TMCO1: variants seen among roughly 807,000 people sequenced by gnomAD.
The protein encoded by TMCO1 is calcium load-activated calcium channel.
In TMCO1, 29 loss-of-function variants were observed where a neutral mutation model predicts 29.3. The observed-to-expected ratio is 0.99, with a 90% confidence interval of 0.74 to 1.35. The LOEUF is 1.35. Ranked by LOEUF, TMCO1 falls within the 40% of genes most tolerant of loss-of-function variation. The pLI, the probability that TMCO1 is intolerant of heterozygous loss-of-function variation, is 0.00. For synonymous variants in TMCO1, 80 were observed against 77.1 expected, an observed-to-expected ratio of 1.04 and a Z score of -0.20; for missense variants, 173 against 225.5, an observed-to-expected ratio of 0.77 and a Z score of 1.49.
Position 165,727,046 on chromosome 1 carries a change from C to T in TMCO1, c.*977G>A, listed in dbSNP as rs942129560. The T allele has an allele frequency of 6.6e-6, 3 of 453,954 alleles. No homozygotes were observed. The highest frequency in any genetic ancestry group is 2.0e-5 in the African/African-American group (1 of 49,992). 28.1% of individuals were successfully genotyped at this position (453,954 alleles called of 1,614,324 possible). A position where few individuals can be genotyped will look rare whatever the true frequency, so the allele number is the denominator to read the frequency against. ...GTGCATATTTATTGATAAGACTCCA[C>T]ACAGGACTCCTAATTCCATAGATTA... On this transcript the variant is annotated 3_prime_UTR_variant, in exon 7 of 7. Transcript: ENST00000367881.
At position 165,727,060 on chromosome 1, in the gene TMCO1, T is replaced by C. The variant is rs1650923351; in HGVS notation, c.*963A>G. On this transcript the variant is annotated 3_prime_UTR_variant, in exon 7 of 7. Coordinates refer to ENST00000367881, the MANE Select transcript of TMCO1 (RefSeq NM_019026.6). ...ATAAGACTCCACACAGGACTCCTAA[T>C]TCCATAGATTATGCGGGGAGGATCA... is the stretch of plus-strand genomic sequence containing the variant. 2.2e-6 allele frequency: 1 copy of C among 454,100 alleles called. No homozygotes were observed. Among genetic ancestry groups the C allele is most frequent in the Admixed American group, 2.3e-5 (1 of 42,566 alleles). The allele number at this position is 454,100 out of a possible 1,614,324, so 28.1% of individuals were successfully genotyped here.
chr1:165,768,848 A>G lies in TMCO1; in HGVS notation c.-97T>C, dbSNP rs774480465. On this transcript the variant is annotated 5_prime_UTR_variant, in exon 1 of 7. Coordinates refer to ENST00000367881, the MANE Select transcript of TMCO1 (RefSeq NM_019026.6). The stretch of plus-strand genomic sequence containing the variant: ...AACGGCTTCCGTAGACTCCGCCACC[A>G]CCGAGTAACAGACCAACTCTGACAG... 7.0e-6 allele frequency: 11 copies of G among 1,580,766 alleles called. No individual in the cohort carries two copies. Among genetic ancestry groups the G allele is most frequent in the Admixed American group, 1.9e-5 (1 of 53,822 alleles).
chr1:165,767,185 G>T (rs895884957), intron 2 of TMCO1, among the ~76,000 whole-genome samples: 2 of 137,420 alleles, frequency 1.5e-5, no homozygotes, highest in Non-Finnish European at 3.2e-5. Flanking sequence ...GGTAATTTAA[G>T]AAAAAAAACT....
At chr1:165,737,682 A>C (rs1440021683) in intron 6 of TMCO1, among the ~76,000 whole-genome samples, 1 of 152,238 alleles carries the variant, frequency 6.6e-6, no homozygotes, top group Admixed American at 6.5e-5. Flanking sequence ...AAAACAGTGG[A>C]AAGGCATTTA....
At chr1:165,752,069 T>A (rs748295536) in intron 5 of TMCO1, 33 bp downstream of exon 5, 3 of 1,502,432 alleles carry the variant, frequency 2.0e-6, no homozygotes, top group Non-Finnish European at 2.8e-6. Context: ...AGAGTAATAG[T>A]TATTAGTCAA....
At chr1:165,746,240 C>T (rs1346139858) in intron 5 of TMCO1, among the ~76,000 whole-genome samples, 13 of 146,026 alleles carry the variant, frequency 8.9e-5, no homozygotes, top group East Asian at 6.0e-4. Context: ...ATGCAGGAGG[C>T]GGAGGTCGTA....
At chr1:165,726,622 C>G (rs1245227122), downstream of TMCO1, 1 of 455,626 alleles carries the variant, frequency 2.2e-6, no homozygotes, top group Non-Finnish European at 4.4e-6. Flanking sequence ...GTAGGGCTGT[C>G]TTGGGATAAT....
chr1:165,765,221 G>C (rs1652524962), intron 2 of TMCO1, among the ~76,000 whole-genome samples: 1 of 152,150 alleles, frequency 6.6e-6, no homozygotes, highest in South Asian at 2.1e-4. Flanking sequence ...AAAAGCAACA[G>C]AAAAAATAGA....
rs78099644 is a variant in TMCO1, at chr1:165,740,720, C to T, written c.468+2447G>A. Among the ~76,000 whole-genome samples, 525 of 152,324 alleles carry T rather than the reference C, an allele frequency of 3.4e-3. 5 individuals carry two copies. The highest frequency in any genetic ancestry group is 0.012 in the African/African-American group (496 of 41,562). Reference sequence around the variant, plus strand: ...GTGGTGGAAATGTAATCCCTCTGCCCTCATGAATAGATTAATGTCATTATC... The same window carrying T: ...GTGGTGGAAATGTAATCCCTCTGCCTTCATGAATAGATTAATGTCATTATC... On this transcript the variant is annotated intron_variant, in intron 6 of 6. Coordinates refer to ENST00000367881, the MANE Select transcript of TMCO1 (RefSeq NM_019026.6).
downstream of TMCO1, chr1:165,726,161 CA>C (rs1389485554): frequency 1.4e-6 from 1 of 694,194 alleles, no homozygotes; most frequent in Non-Finnish European, 2.6e-6. Flanking sequence ...TCATTTTCTT[CA>C]TTATCATTCG....
intron 4 of TMCO1, among the ~76,000 whole-genome samples, chr1:165,752,501 C>CG (rs1558038341): frequency 6.6e-6 from 1 of 151,658 alleles, no homozygotes; most frequent in Non-Finnish European, 1.5e-5. Flanking sequence ...GTGACCCCCC[C>CG]GCCTCGGCCT....
chr1:165,744,205 A>C (rs922844736), intron 5 of TMCO1, among the ~76,000 whole-genome samples: 1 of 152,196 alleles, frequency 6.6e-6, no homozygotes, highest in African/African-American at 2.4e-5. Flanking sequence ...AGAAGAAGGA[A>C]GGTGCAAAGA....
In TMCO1 at chr1:165,743,222, G is replaced by T. The variant is rs758994650; in HGVS notation, c.413C>A (p.Thr138Asn). 1.2e-5 allele frequency: 19 copies of T among 1,613,790 alleles called. No individual in the cohort carries two copies. Among genetic ancestry groups the T allele is most frequent in the Non-Finnish European group, 1.6e-5 (19 of 1,179,980 alleles). Residue 138 changes from threonine to asparagine, a missense_variant, in exon 6 of 7, where the codon ACC (threonine) becomes AAC (asparagine). By Grantham distance (65) the Thr-to-Asn change is moderately conservative (BLOSUM62 0). Transcript: ENST00000367881. ...LSHRNLLGDD[T>N]TDCSFIFLYI... ...CAGGAAAATGAAGGAACAGTCTGTG[G>T]TGTCATCTCCCAGCAGATTTCGATG...
intron 6 of TMCO1, among the ~76,000 whole-genome samples, chr1:165,730,932 G>A (rs1396285409): frequency 6.8e-5 from 10 of 146,456 alleles, no homozygotes; most frequent in African/African-American, 1.0e-4. Flanking sequence ...ACAGAGTCTC[G>A]CTCTGTCGCC....
intron 5 of TMCO1, among the ~76,000 whole-genome samples, chr1:165,743,892 G>A (rs1412698938): frequency 1.4e-5 from 2 of 146,114 alleles, no homozygotes; most frequent in Non-Finnish European, 3.0e-5. Flanking sequence ...ATGGAGTCTC[G>A]CTCTGTCACT....
intron 5 of TMCO1, among the ~76,000 whole-genome samples, chr1:165,744,507 T>TCAGG (rs1651715546): frequency 6.6e-6 from 1 of 152,144 alleles, no homozygotes; most frequent in Admixed American, 6.5e-5. Context: ...AAGATCTCTT[T>TCAGG]CAGGCTGGGC....
chr1:165,763,772 C>T (rs567239215), intron 2 of TMCO1, among the ~76,000 whole-genome samples: 166 of 152,184 alleles, frequency 1.1e-3, no homozygotes, highest in Non-Finnish European at 2.0e-3. Context: ...ACCACACACA[C>T]ATGCCACCAT....
At chr1:165,758,645 T>C (rs1425532221) in intron 3 of TMCO1, among the ~76,000 whole-genome samples, 1 of 152,156 alleles carries the variant, frequency 6.6e-6, no homozygotes, top group Non-Finnish European at 1.5e-5. Flanking sequence ...TATTTTCTGG[T>C]CTATTTTCCC....
At chr1:165,761,748 A>C (rs1428619637) in intron 2 of TMCO1, among the ~76,000 whole-genome samples, 1 of 151,828 alleles carries the variant, frequency 6.6e-6, no homozygotes, top group Non-Finnish European at 1.5e-5. Context: ...CAGGAGTTCG[A>C]GATCAGCATG....
Sources: allele counts gnomAD v4.1 joint callset (sites outside exome capture counted in the v4.1 genomes callset), GRCh38; gene constraint gnomAD v4.1.1; transcripts MANE v1.5; gene names NCBI Gene and HGNC (gene_info 2026-07-23, HGNC 2026-07-21).